Variants in SLC24A2 observed in about 807,000 individuals in gnomAD.
The protein encoded by SLC24A2 is sodium/potassium/calcium exchanger 2.
In SLC24A2, 36 loss-of-function variants were observed where a neutral mutation model predicts 62.0. The ratio of observed to expected loss-of-function variants is 0.58; its 90% CI spans 0.44 to 0.77. The LOEUF (loss-of-function observed/expected upper bound fraction) is 0.77. SLC24A2 is among the 30% of genes least tolerant of loss of function. The pLI, the probability that SLC24A2 is intolerant of heterozygous loss-of-function variation, is 0.00. For synonymous variants in SLC24A2, 358 were observed against 294.0 expected (o/e 1.22, Z -2.23); for missense variants, 846 against 817.9 (o/e 1.03, Z -0.42).
At chr9:19,974,094 G>A in the SLC24A2 span, among the ~76,000 whole-genome samples, 1 of 151,996 alleles carries the variant, frequency 6.6e-6, no homozygotes, top group African/African-American at 2.4e-5. Context: ...TATGGTTTCC[G>A]GTATATGATA....
At chr9:19,645,717 C>T (rs2208553) in intron 2 of SLC24A2, among the ~76,000 whole-genome samples, 74,498 of 151,958 alleles carry the variant, frequency 0.49, 18,644 homozygotes, top group East Asian at 0.72. Context: ...CACCCCACAC[C>T]GCAATCTTGG....
At chr9:19,904,297 G>A in the SLC24A2 span, among the ~76,000 whole-genome samples, 1 of 152,126 alleles carries the variant, frequency 6.6e-6, no homozygotes, top group Non-Finnish European at 1.5e-5. Context: ...TGGATCCAAG[G>A]CCTCTGCCTC....
intron 7 of SLC24A2, among the ~76,000 whole-genome samples, chr9:19,563,045 G>A (rs754079429): frequency 2.4e-4 from 37 of 152,182 alleles, no homozygotes; most frequent in East Asian, 7.7e-4. Context: ...GTTGGAGGCT[G>A]CAGTGAGCCA....
intron 4 of SLC24A2, among the ~76,000 whole-genome samples, chr9:19,613,992 G>A (rs911724271): frequency 2.0e-5 from 3 of 152,186 alleles, no homozygotes; most frequent in African/African-American, 7.2e-5. Flanking sequence ...ACTCAGCATA[G>A]TGCCTGGCCT....
the SLC24A2 span, among the ~76,000 whole-genome samples, chr9:19,849,139 C>T: frequency 3.9e-5 from 6 of 152,106 alleles, no homozygotes; most frequent in African/African-American, 1.4e-4. Context: ...GAGGTTTTCC[C>T]AGTAGTGTGC....
At chr9:19,533,743 T>C (rs913608758) in intron 8 of SLC24A2, among the ~76,000 whole-genome samples, 16 of 152,308 alleles carry the variant, frequency 1.1e-4, no homozygotes, top group Non-Finnish European at 2.2e-4. Flanking sequence ...CACAGAATTA[T>C]GGGCTAAAAA....
chr9:19,689,881 G>A (rs1255166875), intron 2 of SLC24A2, among the ~76,000 whole-genome samples: 1 of 152,124 alleles, frequency 6.6e-6, no homozygotes, highest in African/African-American at 2.4e-5. Context: ...TTAGCAATGA[G>A]TTGGCAGGCT....
rs140414826 is a variant in SLC24A2, at chr9:19,608,475, A to C, written c.1078+11109T>G. Among the ~76,000 whole-genome samples, 28 of 152,332 alleles carry C rather than the reference A, an allele frequency of 1.8e-4. No individual in the cohort carries two copies. The East Asian group carries it at 3.5e-3, about 19-fold the overall frequency. On this transcript the variant is annotated intron_variant, in intron 4 of 10. Coordinates refer to ENST00000341998, the MANE Select transcript of SLC24A2 (RefSeq NM_020344.4). ...GACTTGGAAAGCCTTTACAGAACAG[A>C]CAGATGTGTGAACATGTGTGGCCAC...
intron 9 of SLC24A2, among the ~76,000 whole-genome samples, chr9:19,523,649 G>A (rs1833300173): frequency 6.6e-6 from 1 of 152,058 alleles, no homozygotes; most frequent in South Asian, 2.1e-4. Flanking sequence ...TTTTAGTAGA[G>A]ATGGGGTTTC....
At chr9:19,732,334 C>G (rs955233662) in intron 2 of SLC24A2, among the ~76,000 whole-genome samples, 5 of 152,150 alleles carry the variant, frequency 3.3e-5, no homozygotes, top group African/African-American at 4.8e-5. Context: ...AAAACTCTGA[C>G]TTGTAGCTTG....
At chr9:19,746,871 G>C (rs1468042852) in intron 2 of SLC24A2, among the ~76,000 whole-genome samples, 3 of 152,058 alleles carry the variant, frequency 2.0e-5, no homozygotes, top group Non-Finnish European at 4.4e-5. Context: ...TCTTATAGGA[G>C]TCCCTAACCT....
intron 2 of SLC24A2, among the ~76,000 whole-genome samples, chr9:19,784,136 T>C (rs1158314935): frequency 1.3e-5 from 2 of 152,184 alleles, no homozygotes; most frequent in African/African-American, 2.4e-5. Context: ...AGTCACCTAA[T>C]TGAGTAGGTA....
chr9:19,679,664 C>A (rs1418743503), intron 2 of SLC24A2, among the ~76,000 whole-genome samples: 1 of 152,146 alleles, frequency 6.6e-6, no homozygotes, highest in East Asian at 1.9e-4. Context: ...TAAACTGAGA[C>A]ATTTGTCTTC....
the SLC24A2 span, among the ~76,000 whole-genome samples, chr9:20,206,881 TGG>T: frequency 0.011 from 1,695 of 148,502 alleles, 33 homozygotes; most frequent in African/African-American, 0.041. Context: ...AAAACTAAGT[TGG>T]GGGGGGCGGT....
the SLC24A2 span, among the ~76,000 whole-genome samples, chr9:19,828,770 G>A: frequency 6.6e-6 from 1 of 152,180 alleles, no homozygotes; most frequent in Non-Finnish European, 1.5e-5. Flanking sequence ...GTGGGTAAGT[G>A]GAGGGGAGGA....
At chr9:20,068,819 A>T in the SLC24A2 span, among the ~76,000 whole-genome samples, 1 of 152,042 alleles carries the variant, frequency 6.6e-6, no homozygotes, top group Middle Eastern at 3.2e-3. Flanking sequence ...AAATGAACTG[A>T]TCCTGCTGTC....
In SLC24A2 at chr9:19,619,726, A is replaced by G. The variant is rs112846371; in HGVS notation, c.970-34T>C. 21 of 1,502,736 alleles carry G rather than the reference A, an allele frequency of 1.4e-5. No individual in the cohort carries two copies. The African/African-American group carries it at 2.5e-4, about 18-fold the overall frequency. The allele number at this position is 1,502,736 out of a possible 1,614,324, so 93.1% of individuals were successfully genotyped here. A position where few individuals can be genotyped will look rare whatever the true frequency, so the allele number is the denominator to read the frequency against. On this transcript the variant is annotated intron_variant, in intron 3 of 10. Coordinates refer to ENST00000341998, the MANE Select transcript of SLC24A2 (RefSeq NM_020344.4). ...AGAAACCAAAGAGATGGTTAGTCTCAGGAATGAAAGACAAGTGCATTATAG... is the reference window on the plus strand; with the variant it reads ...AGAAACCAAAGAGATGGTTAGTCTCGGGAATGAAAGACAAGTGCATTATAG...
Position 19,573,336 on chromosome 9 carries a change from G to A in SLC24A2, c.1347+15C>T. The A allele has an allele frequency of 6.6e-7, 1 of 1,521,402 alleles. No homozygotes were observed. The highest frequency in any genetic ancestry group is 9.1e-7 in the Non-Finnish European group (1 of 1,095,708). The allele number at this position is 1,521,402 out of a possible 1,614,324, so 94.2% of individuals were successfully genotyped here. A position where few individuals can be genotyped will look rare whatever the true frequency, so the allele number is the denominator to read the frequency against. Reference sequence around the variant, plus strand: ...AAGAACAACAGCCCAGAAGAGCAATGGAGAAAAGCCATACCTGGGCTTCTG... The same window carrying A: ...AAGAACAACAGCCCAGAAGAGCAATAGAGAAAAGCCATACCTGGGCTTCTG... On this transcript the variant is annotated intron_variant, in intron 7 of 10. Transcript: ENST00000341998.
chr9:20,016,608 T>C, the SLC24A2 span, among the ~76,000 whole-genome samples: 1 of 152,246 alleles, frequency 6.6e-6, no homozygotes, highest in Non-Finnish European at 1.5e-5. Context: ...TTTATTTTAC[T>C]CTTCAACTAA....
Sources: gnomAD v4.1 joint callset for allele counts (sites outside exome capture counted in the v4.1 genomes callset) on GRCh38, gnomAD v4.1.1 for gene constraint, MANE v1.5 for transcripts, NCBI Gene and HGNC (gene_info 2026-07-23, HGNC 2026-07-21) for gene names.